Variants in MAPK8 observed in about 807,000 individuals in gnomAD.
MAPK8 encodes the protein mitogen-activated protein kinase 8, also known as JUN N-terminal kinase.
Under a neutral mutation model 52.9 loss-of-function variants are expected in MAPK8, and 13 were observed. The ratio of observed to expected loss-of-function variants is 0.25; its 90% CI spans 0.16 to 0.39. The LOEUF is 0.39. MAPK8 is among the 10% of genes least tolerant of loss of function. The pLI is 1.00. For missense variants in MAPK8, 300 were observed against 519.2 expected, an observed-to-expected ratio of 0.58 and a Z score of 4.10; for synonymous variants, 191 against 169.8, an observed-to-expected ratio of 1.12 and a Z score of -0.97.
intron 1 of MAPK8, among the ~76,000 whole-genome samples, chr10:48,314,321 C>T (rs1350474660): frequency 2.0e-5 from 3 of 152,036 alleles, no homozygotes; most frequent in Non-Finnish European, 4.4e-5. Flanking sequence ...TCATGAGAGG[C>T]TTAGTTAACT....
chr10:48,320,333 G>T (rs1000086203), intron 1 of MAPK8, among the ~76,000 whole-genome samples: 2 of 147,098 alleles, frequency 1.4e-5, no homozygotes, highest in African/African-American at 5.0e-5. Flanking sequence ...AAACTCCTGG[G>T]CTGAAGCAAT....
At chr10:48,307,336 T>C (rs145682919) in intron 1 of MAPK8, among the ~76,000 whole-genome samples, 1 of 152,292 alleles carries the variant, frequency 6.6e-6, no homozygotes, top group Non-Finnish European at 1.5e-5. Context: ...GCTAACGTTC[T>C]GGGCGAACGC....
In MAPK8 at chr10:48,361,765, C is replaced by G. The variant is rs1433815594; in HGVS notation, c.-49-39847C>G. 2.0e-5 allele frequency among the ~76,000 whole-genome samples: 3 copies of G among 152,254 alleles called. No homozygotes were observed. In the East Asian group the frequency reaches 5.8e-4, roughly 29 times the overall value. On this transcript the variant is annotated intron_variant, in intron 1 of 11. Coordinates refer to ENST00000374189, the MANE Select transcript of MAPK8 (RefSeq NM_001323329.2). ...CGTAGGGGGGAGCTTACATATAGGT[C>G]TTCCCTAAGGTGCTGTCCTTAGTCT...
Position 48,306,839 on chromosome 10 carries a change from C to T in MAPK8, c.-50+18C>T. On this transcript the variant is annotated intron_variant, in intron 1 of 11. Coordinates refer to ENST00000374189, the MANE Select transcript of MAPK8 (RefSeq NM_001323329.2). ...GCTGCCGGGTGAGTGCGGCGGACGC[C>T]GCAGGGCCGGGACGGCAGGCGGCCC... The T allele has an allele frequency of 6.6e-6, 1 of 151,740 alleles. No homozygotes were observed. The highest frequency in any genetic ancestry group is 2.0e-4 in the South Asian group (1 of 4,938). 9.4% of individuals were successfully genotyped at this position (151,740 alleles called of 1,614,324 possible).
At chr10:48,425,279 C>G (rs1163112461) in intron 7 of MAPK8, 1 of 691,358 alleles carries the variant, frequency 1.4e-6, no homozygotes, top group Non-Finnish European at 2.7e-6. Context: ...GAAAGGAGAC[C>G]AAGAAATCCT....
rs559681734 is a variant in MAPK8, at chr10:48,437,809, A to G, written c.*2780A>G. On this transcript the variant is annotated 3_prime_UTR_variant, in exon 12 of 12. Transcript: ENST00000374189. ...CCAGCCTCTTAAATCAGAAGCCTAC[A>G]CACAACCCCCTTAACAATCCAAAGA... The G allele has an allele frequency of 6.6e-6, 1 of 152,406 alleles. No homozygotes were observed. Among genetic ancestry groups the G allele is most frequent in the South Asian group, 2.1e-4 (1 of 4,830 alleles). 9.4% of individuals were successfully genotyped at this position (152,406 alleles called of 1,614,324 possible).
intron 5 of MAPK8, among the ~76,000 whole-genome samples, chr10:48,411,925 A>G (rs1377575757): frequency 1.4e-5 from 2 of 147,938 alleles, no homozygotes; most frequent in Non-Finnish European, 3.0e-5. Flanking sequence ...GCTCACTGCA[A>G]CCTCTACCTC....
chr10:48,321,590 C>G (rs1399304983), intron 1 of MAPK8, among the ~76,000 whole-genome samples: 1 of 152,158 alleles, frequency 6.6e-6, no homozygotes, highest in Non-Finnish European at 1.5e-5. Flanking sequence ...ATGCTTAACT[C>G]AAGGTCATGA....
chr10:48,365,420 T>C (rs2132568464), intron 1 of MAPK8, among the ~76,000 whole-genome samples: 1 of 152,248 alleles, frequency 6.6e-6, no homozygotes, highest in Non-Finnish European at 1.5e-5. Flanking sequence ...AAGATAAATA[T>C]CCTCCCATGA....
intron 1 of MAPK8, among the ~76,000 whole-genome samples, chr10:48,337,121 G>A (rs1191196049): frequency 2.6e-5 from 4 of 152,056 alleles, no homozygotes; most frequent in Non-Finnish European, 5.9e-5. Context: ...CCAAATGGAC[G>A]TAATACACAC....
chr10:48,335,093 T>C (rs1241494121), intron 1 of MAPK8, among the ~76,000 whole-genome samples: 1 of 152,212 alleles, frequency 6.6e-6, no homozygotes, highest in East Asian at 1.9e-4. Context: ...GTGCATGAGC[T>C]GTGTGGTTTG....
intron 1 of MAPK8, among the ~76,000 whole-genome samples, chr10:48,324,503 G>GTTTTTTTTTTTTTTGGTTTTTTTTTTTT (rs1843294130): frequency 7.6e-5 from 9 of 118,010 alleles, no homozygotes; most frequent in Admixed American, 4.7e-4. Context: ...CTGTTTTCTA[G>GTTTTTTTTTTTTTTGGTTTTTTTTTTTT]TTTTTTTTTT....
intron 1 of MAPK8, chr10:48,326,043 C>T (rs1006772838): frequency 1.3e-5 from 2 of 152,100 alleles, no homozygotes; most frequent in Admixed American, 1.3e-4. Context: ...CTGATTTTTC[C>T]ATTGTAAAGT....
At chr10:48,424,498 T>G in intron 7 of MAPK8, 1 of 1,538,884 alleles carries the variant, frequency 6.5e-7, no homozygotes. Flanking sequence ...TTAATGTCAT[T>G]GCATTTTGTT....
intron 5 of MAPK8, among the ~76,000 whole-genome samples, chr10:48,418,570 C>T (rs536442646): frequency 1.2e-4 from 18 of 152,320 alleles, no homozygotes; most frequent in Middle Eastern, 3.4e-3. Context: ...TTTACTTCCA[C>T]TCACATCCCA....
intron 1 of MAPK8, chr10:48,325,828 T>C (rs1843463630): frequency 6.6e-6 from 1 of 152,250 alleles, no homozygotes; most frequent in South Asian, 2.1e-4. Flanking sequence ...CTTTTTGTGA[T>C]TACCTTGACT....
At chr10:48,383,773 T>A (rs540102019) in intron 1 of MAPK8, among the ~76,000 whole-genome samples, 1 of 152,380 alleles carries the variant, frequency 6.6e-6, no homozygotes. Flanking sequence ...TTGCTCCTTT[T>A]GTTCCAAATT....
chr10:48,311,091 C>T (rs142299550), intron 1 of MAPK8, among the ~76,000 whole-genome samples: 2 of 152,128 alleles, frequency 1.3e-5, no homozygotes, highest in East Asian at 1.9e-4. Flanking sequence ...AATAATAGCA[C>T]GTAACCTCAT....
chr10:48,359,936 A>G (rs948767658), intron 1 of MAPK8, among the ~76,000 whole-genome samples: 3 of 152,214 alleles, frequency 2.0e-5, no homozygotes, highest in Non-Finnish European at 4.4e-5. Flanking sequence ...TTTGCCAGAA[A>G]TCTTTATAAG....
Sources: gnomAD v4.1 joint callset for allele counts (sites outside exome capture counted in the v4.1 genomes callset) on GRCh38, gnomAD v4.1.1 for gene constraint, MANE v1.5 for transcripts, NCBI Gene and HGNC (gene_info 2026-07-23, HGNC 2026-07-21) for gene names.